Variants in CNTNAP2 observed in about 807,000 individuals in gnomAD.
CNTNAP2 encodes the protein contactin associated protein 2, also known as contactin-associated protein-like 2.
In CNTNAP2, 98 loss-of-function variants were observed where a neutral mutation model predicts 155.2. The observed-to-expected ratio is 0.63, with a 90% confidence interval of 0.54 to 0.75. The LOEUF is 0.75. CNTNAP2 is among the 30% of genes least tolerant of loss of function. CNTNAP2 has a pLI of 0.00. For missense variants in CNTNAP2, 1,727 were observed against 1,688.1 expected (o/e 1.02, Z -0.40); for synonymous variants, 651 against 631.2 (o/e 1.03, Z -0.47).
chr7:146,737,621 T>G (rs140209174), intron 1 of CNTNAP2, among the ~76,000 whole-genome samples: 1 of 152,208 alleles, frequency 6.6e-6, no homozygotes, highest in Non-Finnish European at 1.5e-5. Flanking sequence ...TAAGGTGAGA[T>G]CTCATTGGGT....
At chr7:147,131,196 C>T (rs1801350012) in intron 7 of CNTNAP2, among the ~76,000 whole-genome samples, 1 of 150,538 alleles carries the variant, frequency 6.6e-6, no homozygotes, top group Admixed American at 6.7e-5. Flanking sequence ...ATACCATACA[C>T]ATGTATACCA....
At chr7:147,611,052 T>C (rs1189361537) in intron 12 of CNTNAP2, among the ~76,000 whole-genome samples, 1 of 152,032 alleles carries the variant, frequency 6.6e-6, no homozygotes, top group Non-Finnish European at 1.5e-5. Context: ...TTTAGCATAT[T>C]TGAACCACAG....
At chr7:147,865,177 G>C (rs1478710722) in intron 13 of CNTNAP2, among the ~76,000 whole-genome samples, 4 of 152,138 alleles carry the variant, frequency 2.6e-5, no homozygotes, top group Admixed American at 1.3e-4. Context: ...TGCATCTATT[G>C]AGATTATCAT....
chr7:147,606,616 A>G (rs920749608), intron 12 of CNTNAP2, among the ~76,000 whole-genome samples: 2 of 152,234 alleles, frequency 1.3e-5, no homozygotes, highest in Non-Finnish European at 2.9e-5. Flanking sequence ...CTGTAAGGGA[A>G]TAAGGATTAA....
intron 1 of CNTNAP2, among the ~76,000 whole-genome samples, chr7:146,616,856 T>C (rs575146862): frequency 3.2e-4 from 49 of 152,348 alleles, no homozygotes; most frequent in African/African-American, 1.1e-3. Flanking sequence ...TTATCTCTTA[T>C]AATGAAACAT....
intron 15 of CNTNAP2, among the ~76,000 whole-genome samples, chr7:147,999,364 C>T (rs1241182286): frequency 6.6e-6 from 1 of 152,196 alleles, no homozygotes; most frequent in African/African-American, 2.4e-5. Context: ...GCATGAGCCA[C>T]CATGCCCGGC....
intron 1 of CNTNAP2, among the ~76,000 whole-genome samples, chr7:146,493,231 G>T (rs758145089): frequency 6.6e-6 from 1 of 152,136 alleles, no homozygotes. Context: ...AAGCTCTGTA[G>T]GTTCTGTTCA....
intron 1 of CNTNAP2, among the ~76,000 whole-genome samples, chr7:146,664,164 T>G (rs1800145487): frequency 7.3e-6 from 1 of 137,098 alleles, no homozygotes; most frequent in African/African-American, 2.9e-5. Context: ...TTCCTTTTTT[T>G]TTTTTTTTTT....
chr7:147,740,551 G>A (rs1283108620), intron 13 of CNTNAP2, among the ~76,000 whole-genome samples: 2 of 152,184 alleles, frequency 1.3e-5, no homozygotes, highest in Non-Finnish European at 2.9e-5. Flanking sequence ...AGAATGCATT[G>A]TTAAGTTGAT....
At chr7:146,437,166 G>A (rs149495521) in intron 1 of CNTNAP2, among the ~76,000 whole-genome samples, 1 of 151,284 alleles carries the variant, frequency 6.6e-6, no homozygotes, top group Admixed American at 6.6e-5. Flanking sequence ...TAGGTTGCGC[G>A]CTCCTTATGA....
intron 2 of CNTNAP2, among the ~76,000 whole-genome samples, chr7:146,838,387 G>A (rs1388022628): frequency 6.6e-6 from 1 of 152,084 alleles, no homozygotes; most frequent in Non-Finnish European, 1.5e-5. Flanking sequence ...GCACCATCTT[G>A]GCTCACTGCA....
chr7:148,119,743 A>G (rs1307778730), intron 16 of CNTNAP2, among the ~76,000 whole-genome samples: 1 of 152,108 alleles, frequency 6.6e-6, no homozygotes, highest in East Asian at 1.9e-4. Context: ...TAAAAAGGAA[A>G]TGTTAATTTG....
intron 16 of CNTNAP2, among the ~76,000 whole-genome samples, chr7:148,135,991 G>T (rs1585145045): frequency 3.6e-5 from 1 of 27,674 alleles, no homozygotes; most frequent in Non-Finnish European, 6.9e-5. Flanking sequence ...AAGGAAGGAA[G>T]GAAGGAAGGA....
intron 21 of CNTNAP2, among the ~76,000 whole-genome samples, chr7:148,297,165 A>AAAGGAAGGAAGGAAAG (rs1554413953): frequency 1.6e-5 from 2 of 128,832 alleles, no homozygotes; most frequent in African/African-American, 6.0e-5. Context: ...GAGATAGAGA[A>AAAGGAAGGAAGGAAAG]AAGGAAGGAA....
Position 147,523,106 on chromosome 7 carries a change from T to A in CNTNAP2, c.1777+37065T>A, listed in dbSNP as rs369980146. Among the ~76,000 whole-genome samples the A allele has an allele frequency of 2.6e-5, 4 of 152,248 alleles. No homozygotes were observed. In the South Asian group the frequency reaches 6.2e-4, roughly 24 times the overall value. On this transcript the variant is annotated intron_variant, in intron 11 of 23. Transcript: ENST00000361727. ...TCTCACAGTCAAGATGCAATCAAGATGCTGATGTCAGTGAGGGCCGCACTG... is the reference window on the plus strand; with the variant it reads ...TCTCACAGTCAAGATGCAATCAAGAAGCTGATGTCAGTGAGGGCCGCACTG...
At chr7:147,691,215 A>AT (rs1188154716) in intron 13 of CNTNAP2, among the ~76,000 whole-genome samples, 2 of 152,080 alleles carry the variant, frequency 1.3e-5, no homozygotes, top group African/African-American at 4.8e-5. Flanking sequence ...GATTTTCTCA[A>AT]TTTTTTGTAC....
At chr7:146,492,061 C>T (rs745687950) in intron 1 of CNTNAP2, among the ~76,000 whole-genome samples, 3 of 152,106 alleles carry the variant, frequency 2.0e-5, no homozygotes, top group East Asian at 1.9e-4. Context: ...AATTAAGAAA[C>T]GCAATGTCTC....
intron 1 of CNTNAP2, among the ~76,000 whole-genome samples, chr7:146,492,131 G>A (rs905387961): frequency 1.3e-5 from 2 of 152,004 alleles, no homozygotes; most frequent in East Asian, 3.9e-4. Context: ...CTTATTTTGC[G>A]AGTTTTCATC....
intron 1 of CNTNAP2, among the ~76,000 whole-genome samples, chr7:146,585,181 GCACGATCTCGGCT>G (rs1798669800): frequency 6.6e-6 from 1 of 152,008 alleles, no homozygotes; most frequent in Non-Finnish European, 1.5e-5. Flanking sequence ...GAGTGCAGTG[GCACGATCTCGGCT>G]CACTGCAACC....
Sources: allele counts gnomAD v4.1 joint callset (sites outside exome capture counted in the v4.1 genomes callset), GRCh38; gene constraint gnomAD v4.1.1; transcripts MANE v1.5; gene names NCBI Gene and HGNC (gene_info 2026-07-23, HGNC 2026-07-21).